Variants in FMN1 observed in about 807,000 individuals in gnomAD.
FMN1 encodes formin 1.
A neutral mutation model predicts 132.4 loss-of-function variants in FMN1; 110 were observed. The observed-to-expected ratio is 0.83, with a 90% CI of 0.71 to 0.97. The LOEUF is 0.97. Among genes scored for constraint, FMN1 ranks in the 50% least tolerant of loss-of-function variants. The probability of loss-of-function intolerance (pLI) is 0.00; values close to 1 mark genes in which losing one functional copy is unlikely to be tolerated. For synonymous variants in FMN1, 722 were observed against 651.7 expected (o/e 1.11, Z -1.64); for missense variants, 1,792 against 1,705.3 (o/e 1.05, Z -0.90).
At chr15:33,128,426 C>G (rs982365708) in intron 4 of FMN1, among the ~76,000 whole-genome samples, 5 of 152,180 alleles carry the variant, frequency 3.3e-5, no homozygotes, top group African/African-American at 9.6e-5. Flanking sequence ...ATCATTCTTT[C>G]TACCTCCTAA....
At chr15:32,964,042 CACACACAT>C (rs1356129938) in intron 9 of FMN1, 57 bp downstream of exon 9, 36 of 1,193,730 alleles carry the variant, frequency 3.0e-5, no homozygotes, top group African/African-American at 2.7e-4. Context: ...CACACACACA[CACACACAT>C]ATATACCATT....
chr15:33,019,060 G>C (rs777234196), intron 6 of FMN1, among the ~76,000 whole-genome samples: 1 of 152,292 alleles, frequency 6.6e-6, no homozygotes, highest in East Asian at 1.9e-4. Flanking sequence ...ACCACTGCTG[G>C]CTCCGGCAGC....
At chr15:32,949,272 A>G (rs1283359521) in intron 9 of FMN1, among the ~76,000 whole-genome samples, 5 of 152,158 alleles carry the variant, frequency 3.3e-5, no homozygotes, top group Non-Finnish European at 7.4e-5. Context: ...TGGAGGCATC[A>G]CACTACCTGA....
intron 19 of FMN1, among the ~76,000 whole-genome samples, chr15:32,789,091 ATTAT>A (rs1191682312): frequency 2.0e-5 from 3 of 152,228 alleles, no homozygotes; most frequent in Non-Finnish European, 2.9e-5. Flanking sequence ...AAACACAATG[ATTAT>A]TTATTTGTTC....
chr15:33,121,242 T>G (rs1460324709), intron 4 of FMN1, among the ~76,000 whole-genome samples: 1 of 152,206 alleles, frequency 6.6e-6, no homozygotes, highest in Non-Finnish European at 1.5e-5. Context: ...CAAAAAGTAT[T>G]CTGCAAATAA....
chr15:32,799,810 TCCCC>T (rs1445264844), intron 18 of FMN1, among the ~76,000 whole-genome samples: 1 of 151,998 alleles, frequency 6.6e-6, no homozygotes, highest in Non-Finnish European at 1.5e-5. Context: ...ACTCAATCTT[TCCCC>T]CTCACCCCCA....
At chr15:33,156,458 ATT>A (rs904736857) in intron 3 of FMN1, among the ~76,000 whole-genome samples, 2 of 136,008 alleles carry the variant, frequency 1.5e-5, no homozygotes. Context: ...GTTTTTTTGT[ATT>A]TTTTTTTTTT....
At chr15:32,926,283 AAAG>A (rs1199010380) in intron 9 of FMN1, 22 bp from the exon 10 acceptor site, 2 of 1,371,712 alleles carry the variant, frequency 1.5e-6, no homozygotes, top group African/African-American at 1.5e-5. Flanking sequence ...AAAAAAAAAA[AAAG>A]AATACAAGCT....
intron 4 of FMN1, chr15:33,105,986 A>C (rs2039469906): frequency 6.6e-6 from 1 of 152,000 alleles, no homozygotes; most frequent in Non-Finnish European, 1.5e-5. Context: ...TGAAAGCTGG[A>C]AAGTACCCCT....
chr15:33,007,710 T>A (rs528307441), intron 7 of FMN1, among the ~76,000 whole-genome samples: 1 of 152,238 alleles, frequency 6.6e-6, no homozygotes, highest in South Asian at 2.1e-4. Context: ...AAAAAAAACT[T>A]CTACTATATT....
intron 16 of FMN1, among the ~76,000 whole-genome samples, chr15:32,867,498 A>G (rs1195331049): frequency 6.6e-6 from 1 of 150,520 alleles, no homozygotes; most frequent in Admixed American, 6.6e-5. Context: ...TCAGCTCAGA[A>G]GTCTCATCAG....
chr15:32,948,011 C>T (rs866971303), intron 9 of FMN1, among the ~76,000 whole-genome samples: 1 of 151,938 alleles, frequency 6.6e-6, no homozygotes, highest in African/African-American at 2.4e-5. Context: ...ATTCCTATTT[C>T]GTACTGATCT....
chr15:32,811,208 A>G (rs2057864889), intron 17 of FMN1: 2 of 398,620 alleles, frequency 5.0e-6, no homozygotes, highest in South Asian at 3.7e-5. Flanking sequence ...ATGCTTGCCC[A>G]TGGAGGACGA....
chr15:32,970,581 T>C (rs2031696672), intron 7 of FMN1: 1 of 152,230 alleles, frequency 6.6e-6, no homozygotes, highest in Admixed American at 6.5e-5. Context: ...CTCTTCACTA[T>C]AATTTCAGCA....
At chr15:33,113,284 T>A (rs558313693) in intron 4 of FMN1, among the ~76,000 whole-genome samples, 1 of 152,282 alleles carries the variant, frequency 6.6e-6, no homozygotes, top group Non-Finnish European at 1.5e-5. Flanking sequence ...AGTGAAGTAA[T>A]TAAACAGGAT....
intron 7 of FMN1, among the ~76,000 whole-genome samples, chr15:32,978,851 A>G (rs898156445): frequency 6.6e-6 from 1 of 152,206 alleles, no homozygotes; most frequent in Non-Finnish European, 1.5e-5. Context: ...TTTGCCTTAC[A>G]TACTCCCAAC....
chr15:33,035,274 A>G (rs1441621763), intron 6 of FMN1, among the ~76,000 whole-genome samples: 2 of 152,210 alleles, frequency 1.3e-5, no homozygotes, highest in Non-Finnish European at 2.9e-5. Flanking sequence ...GTGATTTCCT[A>G]TTGCTGACAA....
chr15:32,969,546 C>T lies in FMN1; in HGVS notation c.2224-69G>A, dbSNP rs2031600978. On this transcript the variant is annotated intron_variant, in intron 7 of 20. Coordinates refer to ENST00000616417, the MANE Select transcript of FMN1 (RefSeq NM_001277313.2). Reference sequence around the variant, plus strand: ...GAACAAACTTAAGAATTTAGAAACTCAATAATACCATCATGGTGCCACTGT... The same window carrying T: ...GAACAAACTTAAGAATTTAGAAACTTAATAATACCATCATGGTGCCACTGT... The T allele has an allele frequency of 4.6e-6, 7 of 1,513,972 alleles. No homozygotes were observed. In the South Asian group the frequency reaches 8.8e-5, roughly 19 times the overall value. The allele number at this position is 1,513,972 out of a possible 1,614,324, so 93.8% of individuals were successfully genotyped here.
chr15:33,067,055 A>G (rs1356946455), intron 5 of FMN1: 5 of 1,613,856 alleles, frequency 3.1e-6, no homozygotes, highest in Non-Finnish European at 4.2e-6. Flanking sequence ...AAGCCCACTG[A>G]AAAAAGCTGG....
Sources: allele counts gnomAD v4.1 joint callset (sites outside exome capture counted in the v4.1 genomes callset), GRCh38; gene constraint gnomAD v4.1.1; transcripts MANE v1.5; gene names NCBI Gene and HGNC (gene_info 2026-07-23, HGNC 2026-07-21).